Variants in GUCY1A2 observed in about 807,000 individuals in gnomAD.
The protein encoded by GUCY1A2 is guanylate cyclase 1 soluble subunit alpha 2.
In GUCY1A2, 27 loss-of-function variants were observed where a neutral mutation model predicts 63.5. The ratio of observed to expected loss-of-function variants is 0.43; its 90% CI spans 0.31 to 0.59. GUCY1A2 has a LOEUF of 0.59. Among genes scored for constraint, GUCY1A2 ranks in the 20% least tolerant of loss-of-function variants. GUCY1A2 has a pLI of 0.11. For missense variants in GUCY1A2, 768 were observed against 913.3 expected (o/e 0.84, Z 2.05); for synonymous variants, 364 against 343.5 (o/e 1.06, Z -0.66).
chr11:106,981,921 T>C (rs998895000), intron 2 of GUCY1A2, among the ~76,000 whole-genome samples: 2 of 152,324 alleles, frequency 1.3e-5, no homozygotes, highest in Admixed American at 6.5e-5. Context: ...AAAAGTTGAA[T>C]TGCAAAAGAG....
At chr11:106,742,277 C>T (rs1863707895) in intron 6 of GUCY1A2, among the ~76,000 whole-genome samples, 1 of 152,106 alleles carries the variant, frequency 6.6e-6, no homozygotes, top group Admixed American at 6.6e-5. Context: ...CACAGATCAT[C>T]CCATCACTTA....
intron 5 of GUCY1A2, among the ~76,000 whole-genome samples, chr11:106,791,844 T>C (rs938479689): frequency 4.6e-5 from 7 of 152,092 alleles, no homozygotes; most frequent in African/African-American, 1.7e-4. Context: ...TTTTTATATA[T>C]CTTATACTAA....
intron 1 of GUCY1A2, among the ~76,000 whole-genome samples, chr11:107,009,678 C>T (rs1007465164): frequency 3.9e-5 from 6 of 152,138 alleles, no homozygotes; most frequent in East Asian, 1.9e-4. Flanking sequence ...AAGATTATTT[C>T]GACCACAAAA....
At chr11:106,693,485 C>T (rs909417517) in intron 7 of GUCY1A2, among the ~76,000 whole-genome samples, 1 of 151,962 alleles carries the variant, frequency 6.6e-6, no homozygotes, top group East Asian at 1.9e-4. Context: ...GGTACAATGA[C>T]AATTAGTGGA....
At chr11:106,744,657 A>G (rs893461116) in intron 6 of GUCY1A2, among the ~76,000 whole-genome samples, 2 of 152,214 alleles carry the variant, frequency 1.3e-5, no homozygotes, top group Non-Finnish European at 2.9e-5. Flanking sequence ...GAAGAGCCAT[A>G]TAAAACCTGT....
At chr11:106,995,247 G>A (rs1861520091) in intron 1 of GUCY1A2, among the ~76,000 whole-genome samples, 1 of 152,152 alleles carries the variant, frequency 6.6e-6, no homozygotes, top group Non-Finnish European at 1.5e-5. Flanking sequence ...CGTGTCACAT[G>A]CATCAAGTAA....
chr11:106,988,346 A>G (rs1057131855), intron 1 of GUCY1A2, among the ~76,000 whole-genome samples: 22 of 152,224 alleles, frequency 1.4e-4, no homozygotes, highest in Non-Finnish European at 2.8e-4. Context: ...CTGAAAAGGC[A>G]GTGGATATCC....
intron 6 of GUCY1A2, among the ~76,000 whole-genome samples, chr11:106,709,644 AATATATAGTTATATACACGTATAGAATAT>A (rs1371737968): frequency 1.0e-3 from 83 of 81,486 alleles, no homozygotes; most frequent in African/African-American, 5.5e-3. Context: ...ACACGTATAG[AATATATAGTTATATACACGTATAGAATAT>A]ATAGTTATAT....
intron 1 of GUCY1A2, among the ~76,000 whole-genome samples, chr11:106,988,165 G>A (rs1236958045): frequency 2.0e-5 from 3 of 152,210 alleles, no homozygotes; most frequent in Non-Finnish European, 4.4e-5. Flanking sequence ...TAAAGAGAAT[G>A]AATCAGACAT....
chr11:106,872,080 G>A (rs867600527), intron 4 of GUCY1A2, among the ~76,000 whole-genome samples: 8 of 151,934 alleles, frequency 5.3e-5, no homozygotes, highest in East Asian at 1.9e-4. Context: ...AAACATAAGC[G>A]GTTGATAACA....
At chr11:106,979,748 C>A (rs989870043) in intron 2 of GUCY1A2, among the ~76,000 whole-genome samples, 20 of 152,276 alleles carry the variant, frequency 1.3e-4, no homozygotes, top group African/African-American at 4.6e-4. Flanking sequence ...AATCCTCCCA[C>A]ATTCCAAAGG....
chr11:106,763,686 T>C (rs1255952982), intron 6 of GUCY1A2, among the ~76,000 whole-genome samples: 2 of 152,092 alleles, frequency 1.3e-5, no homozygotes, highest in Non-Finnish European at 1.5e-5. Context: ...GAATTTTGAC[T>C]TGAGAGCCAA....
intron 6 of GUCY1A2, among the ~76,000 whole-genome samples, chr11:106,724,831 ACT>A (rs2135366227): frequency 6.6e-6 from 1 of 152,096 alleles, no homozygotes; most frequent in East Asian, 1.9e-4. Flanking sequence ...AGTGTGCAAC[ACT>A]CTGTGTCAAG....
At chr11:106,734,452 A>G (rs1429573736) in intron 6 of GUCY1A2, among the ~76,000 whole-genome samples, 1 of 152,156 alleles carries the variant, frequency 6.6e-6, no homozygotes, top group Non-Finnish European at 1.5e-5. Context: ...AATGTATTTC[A>G]TAGAATGTAA....
chr11:106,732,465 T>C (rs1350621159), intron 6 of GUCY1A2, among the ~76,000 whole-genome samples: 1 of 152,138 alleles, frequency 6.6e-6, no homozygotes, highest in Non-Finnish European at 1.5e-5. Flanking sequence ...TTTATTGAAT[T>C]TGTTCACTAA....
intron 4 of GUCY1A2, among the ~76,000 whole-genome samples, chr11:106,922,305 A>C (rs763218226): frequency 6.6e-6 from 1 of 152,132 alleles, no homozygotes; most frequent in Non-Finnish European, 1.5e-5. Flanking sequence ...CTCCAAACAT[A>C]GGATAAAGTC....
intron 4 of GUCY1A2, among the ~76,000 whole-genome samples, chr11:106,851,194 G>T (rs1010572222): frequency 6.7e-5 from 10 of 149,642 alleles, no homozygotes; most frequent in East Asian, 2.0e-4. Context: ...GTTTTTTTTT[G>T]TTTTGTTTTG....
rs534766619 is a variant in GUCY1A2 at position 106,694,808 on chromosome 11, A to T, written c.1992-7052T>A. On this transcript the variant is annotated intron_variant, in intron 7 of 7. Transcript: ENST00000526355. ...GTGCACCTGGCCAGTTCTATATTTTATGGGTATCATTTCAAGATATCCAGC... is the reference window on the plus strand; with the variant it reads ...GTGCACCTGGCCAGTTCTATATTTTTTGGGTATCATTTCAAGATATCCAGC... Among the ~76,000 whole-genome samples the T allele has an allele frequency of 2.0e-5, 3 of 152,258 alleles. No homozygotes were observed. In the South Asian group the frequency reaches 6.2e-4, roughly 32 times the overall value.
intron 5 of GUCY1A2, among the ~76,000 whole-genome samples, chr11:106,802,322 C>T (rs1456487469): frequency 3.9e-5 from 6 of 152,138 alleles, no homozygotes; most frequent in Non-Finnish European, 7.3e-5. Flanking sequence ...TTTGAGCTTA[C>T]AGCTTAAATT....
Sources: allele counts gnomAD v4.1 joint callset (sites outside exome capture counted in the v4.1 genomes callset), GRCh38; gene constraint gnomAD v4.1.1; transcripts MANE v1.5; gene names NCBI Gene and HGNC (gene_info 2026-07-23, HGNC 2026-07-21).